The following PTPRU variants were observed in gnomAD, a reference collection of about 807,000 sequenced individuals.
PTPRU encodes protein tyrosine phosphatase receptor type U.
In PTPRU, 69 loss-of-function variants were observed where a neutral mutation model predicts 166.3. That is an observed-to-expected ratio of 0.41 (90% CI 0.34 to 0.51). The LOEUF (loss-of-function observed/expected upper bound fraction) is 0.51. Ranked by LOEUF, PTPRU falls within the 20% of genes least tolerant of loss-of-function variation. The pLI is 0.09. For synonymous variants in PTPRU, 793 were observed against 814.0 expected (o/e 0.97, Z 0.44); for missense variants, 1,657 against 2,013.7 (o/e 0.82, Z 3.39).
intron 1 of PTPRU, among the ~76,000 whole-genome samples, chr1:29,243,624 A>T (rs1684154000): frequency 6.6e-6 from 1 of 152,178 alleles, no homozygotes; most frequent in African/African-American, 2.4e-5. Context: ...CTCCCGGTGC[A>T]GTTGGTGAAA....
chr1:29,311,349 C>T lies in PTPRU; in HGVS notation c.2858-107C>T. ...GGGCAGCATGAAGCCCCCGTTGGGG[C>T]TCAGGAGGCCTCCTGGCCTGGGGTG... On this transcript the variant is annotated intron_variant, in intron 19 of 29. Transcript: ENST00000373779. The surrounding 1 kb of genome is among the most constrained non-coding windows in gnomAD (Gnocchi z 4.1). 4 of 1,074,706 alleles carry T rather than the reference C, an allele frequency of 3.7e-6. No homozygotes were observed. Among genetic ancestry groups the T allele is most frequent in the Admixed American group, 2.0e-5 (1 of 49,934 alleles). The allele number at this position is 1,074,706 out of a possible 1,614,324, so 66.6% of individuals were successfully genotyped here.
chr1:29,238,737 C>CA lies in PTPRU; in HGVS notation c.73+2020_73+2021insA, dbSNP rs1386603628. The stretch of plus-strand genomic sequence containing the variant: ...GCGGCAACTTTGCCTCCCTCTCCCA[C>CA]CGTGAAATCAAACCCGCGGGGTTCT... On this transcript the variant is annotated intron_variant, in intron 1 of 29. Transcript: ENST00000373779. The surrounding 1 kb of genome is among the most constrained non-coding windows in gnomAD (Gnocchi z 6.1). Among the ~76,000 whole-genome samples, 1 of 152,182 alleles carries CA rather than the reference C, an allele frequency of 6.6e-6. No individual in the cohort carries two copies. Among genetic ancestry groups the CA allele is most frequent in the Non-Finnish European group, 1.5e-5 (1 of 68,050 alleles).
In PTPRU at chr1:29,266,692, A is replaced by G. The variant is rs572337867; in HGVS notation, c.1144+5789A>G. Among the ~76,000 whole-genome samples the G allele has an allele frequency of 3.3e-5, 5 of 152,298 alleles. No homozygotes were observed. The South Asian group carries it at 8.3e-4, about 25-fold the overall frequency. The stretch of plus-strand genomic sequence containing the variant: ...TTGAAGATTTATTCAACGAATGCTT[A>G]TTGAGTGTCTATTACGTGCGAGGTG... On this transcript the variant is annotated intron_variant, in intron 7 of 29. Coordinates refer to ENST00000373779, the MANE Select transcript of PTPRU (RefSeq NM_133178.4).
intron 7 of PTPRU, among the ~76,000 whole-genome samples, chr1:29,262,474 TGA>T (rs910295605): frequency 3.9e-5 from 6 of 152,144 alleles, no homozygotes; most frequent in African/African-American, 1.4e-4. Context: ...TAAGATATTT[TGA>T]GAGAGAGAGA....
At position 29,236,531 on chromosome 1, in the gene PTPRU, C is replaced by A. The variant is rs1683765323; in HGVS notation, c.-114C>A. The A allele has an allele frequency of 1.2e-6, 1 of 819,184 alleles. No homozygotes were observed. Among genetic ancestry groups the A allele is most frequent in the South Asian group, 5.7e-5 (1 of 17,432 alleles). The allele number at this position is 819,184 out of a possible 1,614,324, so 50.7% of individuals were successfully genotyped here. A position where few individuals can be genotyped will look rare whatever the true frequency, so the allele number is the denominator to read the frequency against. On this transcript the variant is annotated 5_prime_UTR_variant, in exon 1 of 30. Coordinates refer to ENST00000373779, the MANE Select transcript of PTPRU (RefSeq NM_133178.4). The surrounding 1 kb of genome is among the most constrained non-coding windows in gnomAD (Gnocchi z 4.6). ...CTCTGGACTCGGCGCCAGTCCCGCT[C>A]CGCGCCGCGCCGCTCCGCTCCGGCT...
At position 29,260,593 on chromosome 1, in the gene PTPRU, C is replaced by T. The variant is rs1177734270; in HGVS notation, c.851-17C>T. 7.4e-6 allele frequency: 11 copies of T among 1,484,446 alleles called. No individual in the cohort carries two copies. The highest frequency in any genetic ancestry group is 8.1e-6 in the Non-Finnish European group (9 of 1,114,266). The allele number at this position is 1,484,446 out of a possible 1,614,324, so 92.0% of individuals were successfully genotyped here. On this transcript the variant is annotated splice_polypyrimidine_tract_variant and intron_variant, in intron 6 of 29. Transcript: ENST00000373779. This position sits in a 1 kb window ranked among gnomAD's most constrained non-coding sequence, Gnocchi z 8.3. ...AGCAGCATCGGTCCGCCTCGCCTCT[C>T]CCCCATCTCCTCGCAGAGCCCCCAA...
chr1:29,269,769 G>C (rs1263134723), intron 7 of PTPRU, among the ~76,000 whole-genome samples: 4 of 152,070 alleles, frequency 2.6e-5, no homozygotes, highest in Non-Finnish European at 5.9e-5. Flanking sequence ...CATCATCCTA[G>C]CCCAACAGCT....
chr1:29,275,500 G>A lies in PTPRU; in HGVS notation c.1197G>A (p.Gln399=). The A allele has an allele frequency of 6.2e-7, 1 of 1,614,206 alleles. No homozygotes were observed. The highest frequency in any genetic ancestry group is 8.5e-7 in the Non-Finnish European group (1 of 1,180,026). The change falls in exon 8 of 30, where the codon CAG becomes CAA. Residue 399 remains glutamine (Q), a synonymous_variant. Coordinates refer to ENST00000373779, the MANE Select transcript of PTPRU (RefSeq NM_133178.4). ...CTTTTGCTGAGATCCAGGCCCGTCA[G>A]CTGACCCTGCAGTGGGAACCACTGG... ...GLAFAEIQAR[Q]LTLQWEPLGY...
At chr1:29,300,810 G>C (rs541118807) in intron 15 of PTPRU, among the ~76,000 whole-genome samples, 2 of 152,336 alleles carry the variant, frequency 1.3e-5, no homozygotes, top group East Asian at 3.9e-4. Flanking sequence ...GCACAATGGG[G>C]CAGCCTCCCT....
At chr1:29,312,476 G>T (rs12746604) in intron 21 of PTPRU, 76 bp from the exon 22 acceptor site, 136,919 of 1,379,464 alleles carry the variant, frequency 0.099, 7,483 homozygotes, top group Middle Eastern at 0.19. Context: ...TTACTGCAGT[G>T]CCTGGCACAC....
rs1684940571 is a variant in PTPRU at position 29,259,565 on chromosome 1, G to C, written c.675+1G>C. 6.3e-7 allele frequency: 1 copy of C among 1,584,720 alleles called. No homozygotes were observed. Among genetic ancestry groups the C allele is most frequent in the African/African-American group, 1.4e-5 (1 of 73,968 alleles). Reference sequence around the variant, plus strand: ...CGAGGCCGAACGCTTCCTCTTGCAAGTGAGCGGGAGCGGTGATCTTGGCTG... The same window carrying C: ...CGAGGCCGAACGCTTCCTCTTGCAACTGAGCGGGAGCGGTGATCTTGGCTG... On this transcript the variant is annotated splice_donor_variant, in intron 5 of 29. Coordinates refer to ENST00000373779, the MANE Select transcript of PTPRU (RefSeq NM_133178.4). LOFTEE classifies it high-confidence loss of function.
chr1:29,272,784 G>T (rs947850290), intron 7 of PTPRU, among the ~76,000 whole-genome samples: 1 of 151,616 alleles, frequency 6.6e-6, no homozygotes, highest in Non-Finnish European at 1.5e-5. Context: ...GTACGCACCT[G>T]TAGTGCCAGC....
At chr1:29,304,723 C>A (rs1687301708) in intron 16 of PTPRU, 51 bp from the exon 17 acceptor site, 3 of 1,068,128 alleles carry the variant, frequency 2.8e-6, no homozygotes, top group Non-Finnish European at 3.9e-6. Flanking sequence ...GGGAAGGGGC[C>A]CTCAGTGAGG....
In PTPRU at chr1:29,291,849, C is replaced by T; in HGVS notation, c.2319-20C>T. 2 of 1,612,430 alleles carry T rather than the reference C, an allele frequency of 1.2e-6. No individual in the cohort carries two copies. Among genetic ancestry groups the T allele is most frequent in the African/African-American group, 1.3e-5 (1 of 75,042 alleles). ...CAGCCCCACACAATGCCTGTGTCTC[C>T]CCTCAACCCCCCTCTCCAGGAAGCC... On this transcript the variant is annotated intron_variant, in intron 14 of 29. Transcript: ENST00000373779. This position sits in a 1 kb window ranked among gnomAD's most constrained non-coding sequence, Gnocchi z 4.1.
chr1:29,243,332 T>C (rs1202362988), intron 1 of PTPRU, among the ~76,000 whole-genome samples: 1 of 152,228 alleles, frequency 6.6e-6, no homozygotes, highest in Admixed American at 6.5e-5. Context: ...AACCCTAGCA[T>C]AGCACATGAG....
At chr1:29,301,445 A>G (rs1687129050) in intron 15 of PTPRU, among the ~76,000 whole-genome samples, 1 of 152,238 alleles carries the variant, frequency 6.6e-6, no homozygotes. Context: ...ATAGTTAATG[A>G]TGACTGTGTT....
intron 1 of PTPRU, among the ~76,000 whole-genome samples, chr1:29,241,668 C>T (rs1227772286): frequency 6.6e-6 from 1 of 151,038 alleles, no homozygotes; most frequent in Non-Finnish European, 1.5e-5. Flanking sequence ...GATCTTGGCT[C>T]ATTGCAACCT....
At chr1:29,303,796 A>G (rs1687251148) in intron 15 of PTPRU, 59 bp from the exon 16 acceptor site, 3 of 1,486,838 alleles carry the variant, frequency 2.0e-6, no homozygotes, top group Middle Eastern at 1.8e-4. Flanking sequence ...CAGTCTCTCC[A>G]GGACCCCCGA....
chr1:29,245,506 G>A (rs954714325), intron 1 of PTPRU, among the ~76,000 whole-genome samples: 2 of 152,206 alleles, frequency 1.3e-5, no homozygotes, highest in Non-Finnish European at 2.9e-5. Flanking sequence ...TGCTCTGGAT[G>A]TGCACTGTCT....
Sources: allele counts gnomAD v4.1 joint callset (sites outside exome capture counted in the v4.1 genomes callset), GRCh38; gene constraint gnomAD v4.1.1; non-coding constraint Gnocchi (gnomAD v3.1); transcripts MANE v1.5; gene names NCBI Gene and HGNC (gene_info 2026-07-23, HGNC 2026-07-21).